PCNX2: variants seen among roughly 807,000 people sequenced by gnomAD.
PCNX2 encodes the protein pecanex-like protein 2.
Under a neutral mutation model 223.8 loss-of-function variants are expected in PCNX2, and 168 were observed. The ratio of observed to expected loss-of-function variants is 0.75; its 90% confidence interval spans 0.66 to 0.85. PCNX2 has a LOEUF of 0.85. Among genes scored for constraint, PCNX2 ranks in the 40% least tolerant of loss-of-function variants. PCNX2 has a pLI of 0.00. For missense variants in PCNX2, 2,507 were observed against 2,675.5 expected (o/e 0.94, Z 1.39); for synonymous variants, 1,006 against 1,052.6 (o/e 0.96, Z 0.86).
intron 25 of PCNX2, among the ~76,000 whole-genome samples, chr1:233,029,101 G>A (rs898482521): frequency 1.3e-5 from 2 of 152,120 alleles, no homozygotes; most frequent in African/African-American, 4.8e-5. Flanking sequence ...GCCTCCCAAA[G>A]TGCTGGGGTT....
At position 233,091,732 on chromosome 1, in the gene PCNX2, C is replaced by CAA. The variant is rs11335249; in HGVS notation, c.3947-1544_3947-1543dup. 6.9e-3 allele frequency among the ~76,000 whole-genome samples: 755 copies of CAA among 109,020 alleles called. 6 individuals carry two copies. The highest frequency in any genetic ancestry group is 0.02 in the African/African-American group (565 of 27,986). The allele number at this position is 109,020 out of a possible 152,430, so 71.5% of individuals were successfully genotyped here. A position where few individuals can be genotyped will look rare whatever the true frequency, so the allele number is the denominator to read the frequency against. Reference sequence around the variant, plus strand: ...TGGGCAACAGAGTGAGACCCTCCCTCAAAAAAAAAAAAAAAAATCATGATT... The same window carrying CAA: ...TGGGCAACAGAGTGAGACCCTCCCTCAAAAAAAAAAAAAAAAAAATCATGATT... On this transcript the variant is annotated intron_variant, in intron 22 of 33. Transcript: ENST00000258229.
chr1:233,324,571 C>T, the PCNX2 span, among the ~76,000 whole-genome samples: 1 of 151,284 alleles, frequency 6.6e-6, no homozygotes, highest in Non-Finnish European at 1.5e-5. Flanking sequence ...GATGACAGCA[C>T]ATCTGTTTAC....
intron 23 of PCNX2, among the ~76,000 whole-genome samples, chr1:233,060,410 T>G (rs1435159269): frequency 1.3e-5 from 2 of 152,192 alleles, no homozygotes; most frequent in African/African-American, 4.8e-5. Flanking sequence ...TAAAACTATG[T>G]TCACTGGAAA....
intron 23 of PCNX2, among the ~76,000 whole-genome samples, chr1:233,069,208 G>A (rs1572066263): frequency 6.6e-6 from 1 of 152,038 alleles, no homozygotes; most frequent in South Asian, 2.1e-4. Flanking sequence ...TGAAACATAC[G>A]TGAACCCAAA....
intron 25 of PCNX2, among the ~76,000 whole-genome samples, chr1:233,050,902 G>A (rs775754488): frequency 6.6e-6 from 1 of 152,120 alleles, no homozygotes; most frequent in Non-Finnish European, 1.5e-5. Context: ...CAGAATGGGA[G>A]ATAATATTCC....
intron 17 of PCNX2, among the ~76,000 whole-genome samples, chr1:233,163,994 G>C (rs1344983988): frequency 6.6e-6 from 1 of 152,136 alleles, no homozygotes; most frequent in Admixed American, 6.5e-5. Context: ...GCTAAATAAA[G>C]CTGCAACAAA....
chr1:233,015,219 G>C (rs1420149460), intron 27 of PCNX2, among the ~76,000 whole-genome samples: 2 of 152,192 alleles, frequency 1.3e-5, no homozygotes, highest in Admixed American at 6.5e-5. Context: ...CCTGTGGGTT[G>C]ACTGCTAGAC....
chr1:233,018,014 A>G (rs1407760637), intron 26 of PCNX2, among the ~76,000 whole-genome samples: 2 of 151,990 alleles, frequency 1.3e-5, no homozygotes, highest in African/African-American at 2.4e-5. Flanking sequence ...CAGGGTTTTC[A>G]GTTTGTTTGT....
At chr1:233,282,722 G>C (rs1051678418) in intron 1 of PCNX2, among the ~76,000 whole-genome samples, 9 of 152,138 alleles carry the variant, frequency 5.9e-5, no homozygotes, top group Admixed American at 2.6e-4. Context: ...TTCTATTTTT[G>C]TCCTTTCTTT....
At chr1:233,216,370 T>C (rs1191756214) in intron 12 of PCNX2, among the ~76,000 whole-genome samples, 1 of 152,230 alleles carries the variant, frequency 6.6e-6, no homozygotes, top group Non-Finnish European at 1.5e-5. Flanking sequence ...GTCTTTGTTA[T>C]GAATTAGCTC....
chr1:233,192,287 G>GT (rs749315205), intron 15 of PCNX2, among the ~76,000 whole-genome samples: 9 of 152,230 alleles, frequency 5.9e-5, no homozygotes, highest in African/African-American at 9.6e-5. Flanking sequence ...GTAGCTGTGA[G>GT]TTACTATTCA....
intron 21 of PCNX2, among the ~76,000 whole-genome samples, chr1:233,103,952 T>C (rs1031200105): frequency 6.6e-6 from 1 of 152,186 alleles, no homozygotes; most frequent in East Asian, 1.9e-4. Flanking sequence ...TTTGTTATCA[T>C]CTGACTTTTG....
intron 21 of PCNX2, among the ~76,000 whole-genome samples, chr1:233,121,567 G>T (rs944348707): frequency 6.6e-6 from 1 of 152,156 alleles, no homozygotes; most frequent in Non-Finnish European, 1.5e-5. Context: ...GGGCATAAAA[G>T]AAAGGCAATT....
intron 17 of PCNX2, among the ~76,000 whole-genome samples, chr1:233,169,789 A>G (rs890952471): frequency 6.6e-6 from 1 of 151,998 alleles, no homozygotes; most frequent in Non-Finnish European, 1.5e-5. Context: ...AGCTTCTTGT[A>G]TGTGGCTATC....
intron 8 of PCNX2, among the ~76,000 whole-genome samples, chr1:233,248,242 A>G (rs1351349747): frequency 6.6e-6 from 1 of 151,794 alleles, no homozygotes; most frequent in Non-Finnish European, 1.5e-5. Context: ...TTTTATCTAC[A>G]GAACTCCAAA....
intron 28 of PCNX2, among the ~76,000 whole-genome samples, chr1:233,008,963 G>T (rs1453740748): frequency 6.6e-6 from 1 of 152,180 alleles, no homozygotes; most frequent in Non-Finnish European, 1.5e-5. Context: ...ATGCAGAGCT[G>T]GGGGGAGTGT....
chr1:233,151,863 T>C (rs746303093), intron 19 of PCNX2, among the ~76,000 whole-genome samples: 4 of 152,132 alleles, frequency 2.6e-5, no homozygotes, highest in African/African-American at 4.8e-5. Flanking sequence ...TTAGTAGAGA[T>C]GGGGTACAGG....
At chr1:233,084,898 A>AG (rs1202321059) in intron 23 of PCNX2, among the ~76,000 whole-genome samples, 9 of 152,228 alleles carry the variant, frequency 5.9e-5, no homozygotes, top group Non-Finnish European at 1.3e-4. Flanking sequence ...CACCAGGCAG[A>AG]GCTCATCAAG....
At chr1:233,178,897 G>T (rs1158050448) in intron 16 of PCNX2, among the ~76,000 whole-genome samples, 169 bp downstream of exon 16, 6 of 152,206 alleles carry the variant, frequency 3.9e-5, no homozygotes, top group Admixed American at 6.5e-5. Context: ...TTTCTGGCTG[G>T]TCCTGTATTT....
Sources: gnomAD v4.1 joint callset for allele counts (sites outside exome capture counted in the v4.1 genomes callset) on GRCh38, gnomAD v4.1.1 for gene constraint, MANE v1.5 for transcripts, NCBI Gene and HGNC (gene_info 2026-07-23, HGNC 2026-07-21) for gene names.